PTPN14: variants seen among roughly 807,000 people sequenced by gnomAD.
PTPN14 encodes the protein protein tyrosine phosphatase non-receptor type 14.
In PTPN14, 53 loss-of-function variants were observed where a neutral mutation model predicts 126.8. That is an observed-to-expected ratio of 0.42 (90% CI 0.34 to 0.53). PTPN14 has a LOEUF of 0.53. Among genes scored for constraint, PTPN14 ranks in the 20% least tolerant of loss-of-function variants. PTPN14 has a pLI of 0.08. For synonymous variants in PTPN14, 630 were observed against 599.3 expected (o/e 1.05, Z -0.75); for missense variants, 1,257 against 1,552.9 (o/e 0.81, Z 3.20).
rs554037423 is a variant in PTPN14, at chr1:214,350,029, T to C, written c.*7893A>G. 6.6e-6 allele frequency: 1 copy of C among 152,294 alleles called. No homozygotes were observed. Among genetic ancestry groups the C allele is most frequent in the African/African-American group, 2.4e-5 (1 of 41,554 alleles). The allele number at this position is 152,294 out of a possible 1,614,324, so 9.4% of individuals were successfully genotyped here. A position where few individuals can be genotyped will look rare whatever the true frequency, so the allele number is the denominator to read the frequency against. On this transcript the variant is annotated 3_prime_UTR_variant, in exon 19 of 19. Transcript: ENST00000366956. ...GCCCCAAGCCACAAAAAGATCCCAA[T>C]CCAATCTTTTCAGCTTTATCCTCTA...
chr1:214,498,373 GT>G (rs1654599646), intron 1 of PTPN14, among the ~76,000 whole-genome samples: 1 of 152,158 alleles, frequency 6.6e-6, no homozygotes, highest in African/African-American at 2.4e-5. Context: ...ATTGTGGAAG[GT>G]TTCATGGAAG....
In PTPN14 at chr1:214,464,216, CAA is replaced by C. The variant is rs11316078; in HGVS notation, c.174+412_174+413del. Among the ~76,000 whole-genome samples, 136 of 121,934 alleles carry C rather than the reference CAA, an allele frequency of 1.1e-3. 1 individual carries two copies. The highest frequency in any genetic ancestry group is 2.2e-3 in the East Asian group (9 of 4,174). The allele number at this position is 121,934 out of a possible 152,430, so 80.0% of individuals were successfully genotyped here. ...TTTTAGAGGAAAATATAGAAACAAC[CAA>C]AAAAAAAAAAAAAAGGCAGCTGCAT... On this transcript the variant is annotated intron_variant, in intron 2 of 18. Coordinates refer to ENST00000366956, the MANE Select transcript of PTPN14 (RefSeq NM_005401.5).
intron 3 of PTPN14, among the ~76,000 whole-genome samples, chr1:214,439,051 T>TC (rs899865983): frequency 1.1e-4 from 17 of 152,160 alleles, no homozygotes; most frequent in African/African-American, 4.1e-4. Flanking sequence ...TTCCTTTTTT[T>TC]CCCCCTACTT....
At chr1:214,420,139 G>A (rs570020783) in intron 3 of PTPN14, among the ~76,000 whole-genome samples, 28 of 152,288 alleles carry the variant, frequency 1.8e-4, no homozygotes, top group Admixed American at 3.3e-4. Flanking sequence ...ATGCAAAACT[G>A]AAATAACCCC....
At chr1:214,493,453 T>C (rs1484559143) in intron 1 of PTPN14, among the ~76,000 whole-genome samples, 2 of 152,198 alleles carry the variant, frequency 1.3e-5, no homozygotes, top group Non-Finnish European at 2.9e-5. Flanking sequence ...CATGATGTGA[T>C]TATTATGTAT....
In PTPN14 at chr1:214,364,656, C is replaced by A; in HGVS notation, c.3291G>T (p.Gln1097His). ...TGCTGTTGGTATGGCGACGGACCGA[C>A]TGGATCTCCTCCAAGTAGGCTGCAG... ...QGFLSYLEEI[Q>H]SVRRHTNSML... The change falls in exon 18 of 19, where the codon CAG becomes CAT. Residue 1097 changes from glutamine to histidine, a missense_variant. By Grantham distance (24) the Gln-to-His change is conservative. Coordinates refer to ENST00000366956, the MANE Select transcript of PTPN14 (RefSeq NM_005401.5). This position sits in a 1 kb window ranked among gnomAD's most constrained non-coding sequence, Gnocchi z 4.1. 2.5e-6 allele frequency: 4 copies of A among 1,613,622 alleles called. No individual in the cohort carries two copies. Among genetic ancestry groups the A allele is most frequent in the Non-Finnish European group, 3.4e-6 (4 of 1,179,890 alleles).
At chr1:214,523,795 A>G (rs1335097939) in intron 1 of PTPN14, among the ~76,000 whole-genome samples, 2 of 151,440 alleles carry the variant, frequency 1.3e-5, no homozygotes, top group Admixed American at 1.3e-4. Flanking sequence ...GTCACTGAAC[A>G]CTGGGGCTGG....
At chr1:214,493,177 C>T (rs531942649) in intron 1 of PTPN14, among the ~76,000 whole-genome samples, 157 of 152,282 alleles carry the variant, frequency 1.0e-3, no homozygotes, top group Middle Eastern at 3.4e-3. Flanking sequence ...AGCCTCAGAA[C>T]GGACTGCCTA....
Position 214,383,089 on chromosome 1 carries a change from C to A in PTPN14, c.2544+222G>T, listed in dbSNP as rs1490159985. ...AAAATGCTGGCTGAGGCACTGGCCT[C>A]AATAACGTACCAAGTACACCTGTTA... On this transcript the variant is annotated intron_variant, in intron 13 of 18. Coordinates refer to ENST00000366956, the MANE Select transcript of PTPN14 (RefSeq NM_005401.5). The surrounding 1 kb of genome is among the most constrained non-coding windows in gnomAD (Gnocchi z 4.4). 3.3e-5 allele frequency among the ~76,000 whole-genome samples: 5 copies of A among 152,180 alleles called. No homozygotes were observed. The highest frequency in any genetic ancestry group is 1.2e-4 in the African/African-American group (5 of 41,436).
chr1:214,391,067 T>C (rs1658740541), intron 10 of PTPN14, 22 bp from the exon 11 acceptor site: 2 of 1,529,112 alleles, frequency 1.3e-6, no homozygotes, highest in Non-Finnish European at 1.8e-6. Flanking sequence ...GGTGAAAAAA[T>C]GAGAATGGTT....
rs370142745 is a variant in PTPN14 at position 214,434,515 on chromosome 1, GA to G, written c.344+17289del. On this transcript the variant is annotated intron_variant, in intron 3 of 18. Coordinates refer to ENST00000366956, the MANE Select transcript of PTPN14 (RefSeq NM_005401.5). ...TAAGTTAACAGAAAGTGAATCAAAA[GA>G]AAAAAAAAAGAAAAGGCATCCAATG... Among the ~76,000 whole-genome samples the G allele has an allele frequency of 2.7e-3, 388 of 142,156 alleles. 2 individuals are homozygous for G. The highest frequency in any genetic ancestry group is 9.2e-3 in the African/African-American group (355 of 38,710). The allele number at this position is 142,156 out of a possible 152,430, so 93.3% of individuals were successfully genotyped here.
At chr1:214,440,030 A>C (rs1483285776) in intron 3 of PTPN14, among the ~76,000 whole-genome samples, 1 of 152,120 alleles carries the variant, frequency 6.6e-6, no homozygotes, top group African/African-American at 2.4e-5. Context: ...GTTACAGCTA[A>C]GGGGAGGGGA....
rs1469771477 is a variant in PTPN14, at chr1:214,355,761, G to A, written c.*2161C>T. On this transcript the variant is annotated 3_prime_UTR_variant, in exon 19 of 19. Coordinates refer to ENST00000366956, the MANE Select transcript of PTPN14 (RefSeq NM_005401.5). ...CTTAATGGGGAATATATACCTGTTG[G>A]CATGTGGTGATGGGATGTCACAAAG... 6.6e-6 allele frequency: 1 copy of A among 152,068 alleles called. No homozygotes were observed. The highest frequency in any genetic ancestry group is 2.4e-5 in the African/African-American group (1 of 41,396). The allele number at this position is 152,068 out of a possible 1,614,324, so 9.4% of individuals were successfully genotyped here. A position where few individuals can be genotyped will look rare whatever the true frequency, so the allele number is the denominator to read the frequency against.
intron 3 of PTPN14, among the ~76,000 whole-genome samples, chr1:214,422,564 G>A (rs1254588802): frequency 1.3e-5 from 2 of 152,180 alleles, no homozygotes; most frequent in Non-Finnish European, 2.9e-5. Context: ...TGGGAAAAGG[G>A]AACTCAAATT....
intron 17 of PTPN14, among the ~76,000 whole-genome samples, chr1:214,367,815 G>A (rs1223999707): frequency 1.3e-5 from 2 of 152,234 alleles, no homozygotes; most frequent in African/African-American, 2.4e-5. Context: ...TGACTGGCCT[G>A]TCTTTCCCAT....
At chr1:214,478,320 C>T (rs1180057619) in intron 1 of PTPN14, among the ~76,000 whole-genome samples, 1 of 152,140 alleles carries the variant, frequency 6.6e-6, no homozygotes, top group Non-Finnish European at 1.5e-5. Flanking sequence ...TCTATATTAG[C>T]TCTGAACAAT....
chr1:214,381,974 G>A (rs1241991801), intron 13 of PTPN14, among the ~76,000 whole-genome samples: 1 of 149,118 alleles, frequency 6.7e-6, no homozygotes, highest in Admixed American at 6.7e-5. Context: ...GTGCCATCTC[G>A]GCTCACAGCA....
rs142129167 is a variant in PTPN14 at position 214,442,853 on chromosome 1, C to T, written c.344+8952G>A. Among the ~76,000 whole-genome samples the T allele has an allele frequency of 3.9e-3, 582 of 149,568 alleles. 2 individuals are homozygous for T. Among genetic ancestry groups the T allele is most frequent in the Non-Finnish European group, 7.4e-3 (500 of 67,586 alleles). Reference sequence around the variant, plus strand: ...TTTTTTTCTCTTTGAGACGGAGTTTCACTCTTGTTGCCCAGACTGGAGTGC... The same window carrying T: ...TTTTTTTCTCTTTGAGACGGAGTTTTACTCTTGTTGCCCAGACTGGAGTGC... On this transcript the variant is annotated intron_variant, in intron 3 of 18. Transcript: ENST00000366956.
chr1:214,456,123 T>C (rs1046227276), intron 2 of PTPN14, among the ~76,000 whole-genome samples: 11 of 149,638 alleles, frequency 7.4e-5, no homozygotes, highest in African/African-American at 2.4e-4. Flanking sequence ...CACAGACTAA[T>C]GCTATTTGTA....
Sources: gnomAD v4.1 joint callset for allele counts (sites outside exome capture counted in the v4.1 genomes callset) on GRCh38, gnomAD v4.1.1 for gene constraint, Gnocchi (gnomAD v3.1) non-coding constraint, MANE v1.5 for transcripts, NCBI Gene and HGNC (gene_info 2026-07-23, HGNC 2026-07-21) for gene names.